Variants in CIMAP3 observed in about 807,000 individuals in gnomAD.
CIMAP3 encodes ciliary microtubule-associated protein 3.
the CIMAP3 span, among the ~76,000 whole-genome samples, chr1:111,333,397 C>G: frequency 6.6e-6 from 1 of 152,276 alleles, no homozygotes; most frequent in Non-Finnish European, 1.5e-5. Flanking sequence ...AGAAGTACCT[C>G]TGGTCTCAAG....
chr1:111,349,969 A>G, the CIMAP3 span: 4 of 640,734 alleles, frequency 6.2e-6, no homozygotes, highest in East Asian at 1.0e-4. Flanking sequence ...AAGGAATCCC[A>G]TGCTTAATTA....
At chr1:111,334,249 G>GA in the CIMAP3 span, among the ~76,000 whole-genome samples, 1 of 152,108 alleles carries the variant, frequency 6.6e-6, no homozygotes, top group Admixed American at 6.6e-5. Context: ...GATATACCAA[G>GA]AAAGAAAGAA....
At chr1:111,329,333 C>T in the CIMAP3 span, among the ~76,000 whole-genome samples, 1 of 151,794 alleles carries the variant, frequency 6.6e-6, no homozygotes, top group Non-Finnish European at 1.5e-5. Context: ...TGGGGATGAT[C>T]TTCTTGTGTA....
the CIMAP3 span, among the ~76,000 whole-genome samples, chr1:111,337,634 A>G: frequency 6.6e-6 from 1 of 152,366 alleles, no homozygotes; most frequent in Admixed American, 6.5e-5. Context: ...TCAATTCAAC[A>G]AGAAGAGCTA....
At chr1:111,346,715 G>T in the CIMAP3 span, 1 of 1,594,272 alleles carries the variant, frequency 6.3e-7, no homozygotes, top group African/African-American at 1.3e-5. Flanking sequence ...GGCAGGTAGG[G>T]GGAAGGGTGG....
the CIMAP3 span, among the ~76,000 whole-genome samples, chr1:111,344,292 A>G: frequency 3.9e-5 from 6 of 152,196 alleles, no homozygotes; most frequent in South Asian, 4.1e-4. Flanking sequence ...GTTTACCCTT[A>G]TTCCTAGGGT....
chr1:111,350,038 C>G, the CIMAP3 span: 1 of 1,300,692 alleles, frequency 7.7e-7, no homozygotes, highest in Non-Finnish European at 1.1e-6. Context: ...AGGGACGGCT[C>G]TGGTACTGAT....
At chr1:111,326,061 G>A in the CIMAP3 span, among the ~76,000 whole-genome samples, 1 of 152,148 alleles carries the variant, frequency 6.6e-6, no homozygotes, top group African/African-American at 2.4e-5. Flanking sequence ...TGGGGTACAT[G>A]TGATATTGTT....
chr1:111,337,071 C>A, the CIMAP3 span, among the ~76,000 whole-genome samples: 9 of 152,250 alleles, frequency 5.9e-5, no homozygotes, highest in Admixed American at 3.3e-4. Flanking sequence ...GAATTTTCAA[C>A]CCAGAATTTC....
chr1:111,329,297 C>A, the CIMAP3 span, among the ~76,000 whole-genome samples: 18 of 151,814 alleles, frequency 1.2e-4, no homozygotes, highest in Non-Finnish European at 2.4e-4. Flanking sequence ...TTCATCTGGA[C>A]CTTGGAAAAT....
the CIMAP3 span, chr1:111,324,848 T>C: frequency 1.0e-6 from 1 of 985,344 alleles, no homozygotes; most frequent in Non-Finnish European, 1.2e-6. Flanking sequence ...AACAAAACCA[T>C]ATCATGGATC....
the CIMAP3 span, among the ~76,000 whole-genome samples, chr1:111,335,835 T>G: frequency 6.6e-6 from 1 of 152,212 alleles, no homozygotes; most frequent in African/African-American, 2.4e-5. Context: ...TCTGACAGCT[T>G]TGAAGAGAGC....
At chr1:111,347,583 T>C in the CIMAP3 span, 3 of 774,876 alleles carry the variant, frequency 3.9e-6, 1 homozygote, top group South Asian at 3.4e-5. Flanking sequence ...TCCATTTCGA[T>C]GGCCCTGATG....
At chr1:111,352,033 G>A in the CIMAP3 span, 1 of 152,114 alleles carries the variant, frequency 6.6e-6, no homozygotes, top group South Asian at 2.1e-4. Context: ...GGCAGCTAGG[G>A]GATTGGGTCT....
chr1:111,347,787 T>G, the CIMAP3 span: 1 of 1,573,638 alleles, frequency 6.4e-7, no homozygotes. Flanking sequence ...TGTGCTGGGA[T>G]TTTAGTGTTA....
chr1:111,328,614 G>A, the CIMAP3 span, among the ~76,000 whole-genome samples: 1 of 152,092 alleles, frequency 6.6e-6, no homozygotes, highest in Non-Finnish European at 1.5e-5. Flanking sequence ...GCCCTTCTTT[G>A]TCTTTTTTTA....
At chr1:111,344,954 G>T in the CIMAP3 span, among the ~76,000 whole-genome samples, 1 of 152,146 alleles carries the variant, frequency 6.6e-6, no homozygotes, top group Non-Finnish European at 1.5e-5. Flanking sequence ...GTTTAGGTAA[G>T]TTTAGATACA....
chr1:111,331,857 T>A, the CIMAP3 span, among the ~76,000 whole-genome samples: 1 of 152,164 alleles, frequency 6.6e-6, no homozygotes, highest in Non-Finnish European at 1.5e-5. Flanking sequence ...GTTTCATAAA[T>A]AAAGACTTAT....
At chr1:111,336,888 A>G in the CIMAP3 span, among the ~76,000 whole-genome samples, 1,087 of 151,944 alleles carry the variant, frequency 7.2e-3, 14 homozygotes, top group African/African-American at 0.025. Flanking sequence ...TCCAAGACAC[A>G]TAATTGTCAG....
Sources: gnomAD v4.1 joint callset for allele counts (sites outside exome capture counted in the v4.1 genomes callset) on GRCh38, gnomAD v4.1.1 for gene constraint, MANE v1.5 for transcripts, NCBI Gene and HGNC (gene_info 2026-07-23, HGNC 2026-07-21) for gene names.